The following NACA variants were observed in gnomAD, a reference collection of about 807,000 sequenced individuals.
NACA encodes the protein nascent polypeptide associated complex subunit alpha, also known as nascent polypeptide-associated complex subunit alpha.
NACA carries 42 observed loss-of-function variants against 86.4 expected under a neutral mutation model. The ratio of observed to expected loss-of-function variants is 0.49; its 90% CI spans 0.38 to 0.63. NACA has a LOEUF of 0.63. NACA is among the 20% of genes least tolerant of loss of function. The probability of loss-of-function intolerance (pLI) is 0.00; values close to 1 mark genes in which losing one functional copy is unlikely to be tolerated. For missense variants in NACA, 2,157 were observed against 2,483.6 expected (o/e 0.87, Z 2.80); for synonymous variants, 898 against 973.7 (o/e 0.92, Z 1.45).
In NACA at chr12:56,719,163, G is replaced by T. The variant is rs746403095; in HGVS notation, c.2367C>A (p.Tyr789Ter). 6.8e-7 allele frequency: 1 copy of T among 1,466,086 alleles called. No homozygotes were observed. The highest frequency in any genetic ancestry group is 9.2e-7 in the Non-Finnish European group (1 of 1,084,378). 90.8% of individuals were successfully genotyped at this position (1,466,086 alleles called of 1,614,324 possible). Residue 789 changes from tyrosine (Y) to a stop codon, truncating the protein, a stop_gained, in exon 3 of 9, where the codon TAC becomes TAA. Coordinates refer to ENST00000454682, the MANE Select transcript of NACA (RefSeq NM_001365896.1). LOFTEE classifies it high-confidence loss of function. ...CTAAAGGAGATGGGGAATCAGCTAG[G>T]TAAGTCAGAGTTCCTTTGGAAGATG... ...ATASSKGTLT[Y>*]LADSPSPLGV...
chr12:56,712,718 G>A (rs1408234205), intron 8 of NACA, 68 bp downstream of exon 8: 1 of 1,608,314 alleles, frequency 6.2e-7, no homozygotes, highest in East Asian at 2.2e-5. Flanking sequence ...TATTTAGCAA[G>A]ACAAAATAAA....
In NACA at chr12:56,718,941, C is replaced by T. The variant is rs761769266; in HGVS notation, c.2589G>A (p.Gly863=). ...THSPTPPSPK[G]APTPSAVTPL... ...GAGTCACAGCTGAGGGAGTAGGGGC[C>T]CCTTTGGGGGATGGAGGAGTGGGAG... is the stretch of plus-strand genomic sequence containing the variant. Residue 863 remains glycine, a synonymous_variant, in exon 3 of 9, where the codon GGG becomes GGA. Transcript: ENST00000454682. 1.5e-5 allele frequency: 22 copies of T among 1,443,086 alleles called. No individual in the cohort carries two copies. Among genetic ancestry groups the T allele is most frequent in the Non-Finnish European group, 2.1e-5 (22 of 1,069,228 alleles). The allele number at this position is 1,443,086 out of a possible 1,614,324, so 89.4% of individuals were successfully genotyped here. A position where few individuals can be genotyped will look rare whatever the true frequency, so the allele number is the denominator to read the frequency against.
chr12:56,715,446 T>C (rs1402999303), intron 3 of NACA, among the ~76,000 whole-genome samples: 1 of 152,146 alleles, frequency 6.6e-6, no homozygotes, highest in Non-Finnish European at 1.5e-5. Flanking sequence ...CTAAGTCTAA[T>C]AATGGAAAAA....
At chr12:56,723,839 G>A (rs746275223) in intron 2 of NACA, among the ~76,000 whole-genome samples, 5 of 152,138 alleles carry the variant, frequency 3.3e-5, no homozygotes, top group Non-Finnish European at 7.4e-5. Flanking sequence ...CTTCACAGTC[G>A]TTAATTTCGA....
Position 56,716,142 on chromosome 12 carries a change from T to TG in NACA, c.5387dup (p.Pro1797ThrfsTer17). 6.2e-7 allele frequency: 1 copy of TG among 1,612,932 alleles called. No individual in the cohort carries two copies. Among genetic ancestry groups the TG allele is most frequent in the South Asian group, 1.1e-5 (1 of 91,032 alleles). ...AGGGAGCAAGAGGCAGAGAGACTGGTGGGGAGGGTGCTGCAGAGACAGATG... is the reference window on the plus strand; with the variant it reads ...AGGGAGCAAGAGGCAGAGAGACTGGTGGGGGAGGGTGCTGCAGAGACAGATG... On this transcript the variant is annotated frameshift_variant, in exon 3 of 9. Transcript: ENST00000454682. LOFTEE classifies it high-confidence loss of function.
In NACA at chr12:56,713,648, T is replaced by G. The variant is rs1356172409; in HGVS notation, c.5859A>C (p.Gly1953=). 1 of 1,614,090 alleles carries G rather than the reference T, an allele frequency of 6.2e-7. No individual in the cohort carries two copies. Among genetic ancestry groups the G allele is most frequent in the Non-Finnish European group, 8.5e-7 (1 of 1,179,972 alleles). The change falls in exon 6 of 9, where the codon GGA becomes GGC. Residue 1953 remains glycine (G), a synonymous_variant. Transcript: ENST00000454682. ...ATTTCCGGATAGTGACTCTAGTAAC[T>G]CCTGTAACCTGCCGAAGACCCAGTT... ...MSKLGLRQVT[G]VTRVTIRKSK...
At position 56,718,519 on chromosome 12, in the gene NACA, G is replaced by A. The variant is rs1953467214; in HGVS notation, c.3011C>T (p.Ser1004Phe). 2.3e-6 allele frequency: 3 copies of A among 1,287,100 alleles called. No homozygotes were observed. The highest frequency in any genetic ancestry group is 2.0e-6 in the Non-Finnish European group (2 of 998,322). 79.7% of individuals were successfully genotyped at this position (1,287,100 alleles called of 1,614,324 possible). The change falls in exon 3 of 9, where the codon TCC becomes TTC. Residue 1004 changes from serine (S) to phenylalanine (F), a missense_variant. Physicochemically the swap from Ser to Phe is radical, Grantham distance 155. Transcript: ENST00000454682. ...TGGGGGTGTGGGGGCCCCTTTGGGG[G>A]ATGGAGTAGCTGGACCTCCTTTGGG... is the stretch of plus-strand genomic sequence containing the variant. The part of the protein sequence containing the change: ...PSPKGGPATP[S>F]PKGAPTPPAV...
In NACA at chr12:56,714,650, T is replaced by G. The variant is rs1304796539; in HGVS notation, c.5697A>C (p.Pro1899=). 1.2e-6 allele frequency: 2 copies of G among 1,614,214 alleles called. No homozygotes were observed. Among genetic ancestry groups the G allele is most frequent in the East Asian group, 4.5e-5 (2 of 44,882 alleles). The change falls in exon 4 of 9, where the codon CCA becomes CCC. Residue 1899 remains proline, a synonymous_variant. Transcript: ENST00000454682. The part of the protein sequence containing the change: ...GTESDSDESV[P]ELEEQDSTQA... ...GGGTGGAATCCTGTTCTTCAAGCTC[T>G]GGTACTGATTCATCACTGTCAGATT...
rs567238579 is a variant in NACA at position 56,712,476 on chromosome 12, C to A, written c.*62G>T. On this transcript the variant is annotated 3_prime_UTR_variant, in exon 9 of 9. Coordinates refer to ENST00000454682, the MANE Select transcript of NACA (RefSeq NM_001365896.1). ...AACTTTATTTATGATAGAAACAGTA[C>A]AAATTTCAAACCAAGCTGCAGTTAC... 7.0e-5 allele frequency: 108 copies of A among 1,541,704 alleles called. No homozygotes were observed. In the South Asian group the frequency reaches 9.7e-4, roughly 14 times the overall value.
Position 56,720,505 on chromosome 12 carries a change from T to G in NACA, c.1025A>C (p.Asp342Ala), listed in dbSNP as rs1411967994. The G allele has an allele frequency of 6.2e-7, 1 of 1,613,792 alleles. No individual in the cohort carries two copies. The highest frequency in any genetic ancestry group is 8.5e-7 in the Non-Finnish European group (1 of 1,179,744). ...ATAAGAGGCCCCTGTGGAAGAATGA[T>G]CTACAGAAATGGTCTTCACTGTAGG... ...SDPTVKTISV[D>A]HSSTGASYPS... The change falls in exon 3 of 9, where the codon GAT becomes GCT. Residue 342 changes from aspartate to alanine, a missense_variant. Physicochemically the swap from Asp to Ala is moderately radical, Grantham distance 126. This residue lies in a region of NACA where 947 missense variants were observed against 917.9 expected (regional missense o/e 1.03). Coordinates refer to ENST00000454682, the MANE Select transcript of NACA (RefSeq NM_001365896.1).
Position 56,721,092 on chromosome 12 carries a change from T to C in NACA, c.438A>G (p.Ser146=). ...GTGGAAAAGCAGAACTCTTCTGAAC[T>C]GAGTGGGGAGCCAGGGCAACCAGAG... The part of the protein sequence containing the change: ...PLALVALAPH[S]VQKSSAFPPN... Residue 146 remains serine (S), a synonymous_variant, in exon 3 of 9, where the codon TCA becomes TCG. Coordinates refer to ENST00000454682, the MANE Select transcript of NACA (RefSeq NM_001365896.1). 1 of 1,613,802 alleles carries C rather than the reference T, an allele frequency of 6.2e-7. No homozygotes were observed. Among genetic ancestry groups the C allele is most frequent in the Non-Finnish European group, 8.5e-7 (1 of 1,179,828 alleles).
chr12:56,719,073 A>G lies in NACA; in HGVS notation c.2457T>C (p.Thr819=). ...CAGGGGATGAGAGATTTCCAATAGG[A>G]GTATCAGGGCCAGCAGAACCCTTCT... is the stretch of plus-strand genomic sequence containing the variant. ...PTKKGSAGPD[T]PIGNLSSPVS... is the part of the protein sequence containing the mutation. The change falls in exon 3 of 9, where the codon ACT becomes ACC. Residue 819 remains threonine, a synonymous_variant. Transcript: ENST00000454682. 1 of 1,449,940 alleles carries G rather than the reference A, an allele frequency of 6.9e-7. No homozygotes were observed. The allele number at this position is 1,449,940 out of a possible 1,614,324, so 89.8% of individuals were successfully genotyped here.
Position 56,723,461 on chromosome 12 carries a change from T to C in NACA, c.70+991A>G, listed in dbSNP as rs540194779. 1.1e-3 allele frequency among the ~76,000 whole-genome samples: 161 copies of C among 152,332 alleles called. 1 individual carries two copies. Among genetic ancestry groups the C allele is most frequent in the Middle Eastern group, 6.8e-3 (2 of 294 alleles). ...CTTTAGAGAACAGTACTTTATTTTT[T>C]CCCTTCCTTAAGCCCCTTGTACTTC... On this transcript the variant is annotated intron_variant, in intron 2 of 8. Coordinates refer to ENST00000454682, the MANE Select transcript of NACA (RefSeq NM_001365896.1).
intron 3 of NACA, 21 bp downstream of exon 3, chr12:56,715,850 A>G (rs566257074): frequency 1.3e-6 from 2 of 1,504,174 alleles, no homozygotes; most frequent in Non-Finnish European, 1.8e-6. Context: ...CACCATGCAC[A>G]CGGCAAACCA....
chr12:56,724,330 A>G (rs1230720525), intron 2 of NACA, 122 bp downstream of exon 2: 2 of 909,400 alleles, frequency 2.2e-6, no homozygotes, highest in African/African-American at 1.7e-5. Flanking sequence ...TTTACGGTCT[A>G]TCCTCCTTGG....
At chr12:56,712,735 C>T (rs780390926) in intron 8 of NACA, 51 bp downstream of exon 8, 2 of 1,610,830 alleles carry the variant, frequency 1.2e-6, no homozygotes, top group Non-Finnish European at 8.5e-7. Flanking sequence ...TAAAGTCACT[C>T]ATAATTGGTC....
rs200634986 is a variant in NACA, at chr12:56,713,628, C to T, written c.5879G>A (p.Arg1960Gln). The change falls in exon 6 of 9, where the codon CGG (arginine) becomes CAG (glutamine). Residue 1960 changes from arginine to glutamine, a missense_variant. This residue lies in a region of NACA where 81 missense variants were observed against 200.6 expected (regional missense o/e 0.40). Coordinates refer to ENST00000454682, the MANE Select transcript of NACA (RefSeq NM_001365896.1). ...GACAAAGAGGATATTCTTAGATTTC[C>T]GGATAGTGACTCTAGTAACTCCTGT... ...QVTGVTRVTI[R>Q]KSKNILFVIT... 4 of 1,613,962 alleles carry T rather than the reference C, an allele frequency of 2.5e-6. No individual in the cohort carries two copies. The highest frequency in any genetic ancestry group is 1.3e-5 in the African/African-American group (1 of 75,012).
chr12:56,717,189 T>A lies in NACA; in HGVS notation c.4341A>T (p.Pro1447=), dbSNP rs368371411. ...AVTPVSLKKA[P]ATSAPKGGPA... Reference sequence around the variant, plus strand: ...GGCCTCCTTTGGGGGCTGAAGTTGCTGGGGCCTTTTTGAGGGAGACAGGAG... The same window carrying A: ...GGCCTCCTTTGGGGGCTGAAGTTGCAGGGGCCTTTTTGAGGGAGACAGGAG... Residue 1447 remains proline (P), a synonymous_variant, in exon 3 of 9, where the codon CCA becomes CCT. Transcript: ENST00000454682. The A allele has an allele frequency of 7.8e-7, 1 of 1,287,438 alleles. No individual in the cohort carries two copies. 79.8% of individuals were successfully genotyped at this position (1,287,438 alleles called of 1,614,324 possible). A position where few individuals can be genotyped will look rare whatever the true frequency, so the allele number is the denominator to read the frequency against.
In NACA at chr12:56,717,313, G is replaced by T. The variant is rs764268404; in HGVS notation, c.4217C>A (p.Ala1406Glu). The T allele has an allele frequency of 7.4e-7, 1 of 1,359,086 alleles. No homozygotes were observed. The highest frequency in any genetic ancestry group is 9.7e-7 in the Non-Finnish European group (1 of 1,033,116). The allele number at this position is 1,359,086 out of a possible 1,614,324, so 84.2% of individuals were successfully genotyped here. Residue 1406 changes from alanine (A) to glutamate (E), a missense_variant, in exon 3 of 9, where the codon GCA becomes GAA. Transcript: ENST00000454682. ...CTTTTTGGGGGAGAGAGGAATCACT[G>T]CTGGGGAAGTGGGGTCCCCTTTGGG... ...PSPKGDPTSP[A>E]VIPLSPKKAP...
Sources: gnomAD v4.1 joint callset for allele counts (sites outside exome capture counted in the v4.1 genomes callset) on GRCh38, gnomAD v4.1.1 for gene constraint, gnomAD v4.1.1 regional missense constraint, MANE v1.5 for transcripts, NCBI Gene and HGNC (gene_info 2026-07-23, HGNC 2026-07-21) for gene names.